Variants in KLHL20 observed in about 807,000 individuals in gnomAD.
KLHL20 encodes the protein kelch-like protein 20.
In KLHL20, 29 loss-of-function variants were observed where a neutral mutation model predicts 69.5. The ratio of observed to expected loss-of-function variants is 0.42; its 90% CI spans 0.31 to 0.57. The LOEUF (loss-of-function observed/expected upper bound fraction) is 0.57. Among genes scored for constraint, KLHL20 ranks in the 20% least tolerant of loss-of-function variants. The pLI is 0.18. For missense variants in KLHL20, 419 were observed against 776.0 expected (o/e 0.54, Z 5.47); for synonymous variants, 253 against 265.2 (o/e 0.95, Z 0.45).
At chr1:173,720,408 T>C (rs1352447737) in intron 2 of KLHL20, among the ~76,000 whole-genome samples, 1 of 150,868 alleles carries the variant, frequency 6.6e-6, no homozygotes, top group Non-Finnish European at 1.5e-5. Flanking sequence ...ATGTGGAGTA[T>C]AGGGTATTTT....
intron 1 of KLHL20, 26 bp downstream of exon 1, chr1:173,715,104 A>T (rs1671405658): frequency 6.6e-6 from 1 of 152,598 alleles, no homozygotes; most frequent in Non-Finnish European, 1.5e-5. Flanking sequence ...ACCTTAGAGC[A>T]GGGGACAGCG....
chr1:173,785,321 G>A lies in KLHL20; in HGVS notation c.*74G>A. On this transcript the variant is annotated 3_prime_UTR_variant, in exon 12 of 12. Coordinates refer to ENST00000209884, the MANE Select transcript of KLHL20 (RefSeq NM_014458.4). ...TTGACCTTGGAGCTTTGTACAGCTT[G>A]AGAAAACATTAGAACAAATTTTATT... 1 of 1,001,700 alleles carries A rather than the reference G, an allele frequency of 1.0e-6. No homozygotes were observed. The highest frequency in any genetic ancestry group is 1.9e-5 in the South Asian group (1 of 53,532). 62.1% of individuals were successfully genotyped at this position (1,001,700 alleles called of 1,614,324 possible).
At chr1:173,738,077 T>C (rs183882678) in intron 3 of KLHL20, among the ~76,000 whole-genome samples, 7 of 152,316 alleles carry the variant, frequency 4.6e-5, no homozygotes, top group Admixed American at 4.6e-4. Flanking sequence ...GAAACTTTAC[T>C]GAATTCATTT....
intron 11 of KLHL20, 41 bp from the exon 12 acceptor site, chr1:173,785,122 T>A: frequency 6.6e-7 from 1 of 1,515,812 alleles, no homozygotes; most frequent in Non-Finnish European, 9.1e-7. Flanking sequence ...TTGTAACATA[T>A]TTTCCAGTTA....
chr1:173,760,345 A>C (rs1673746366), intron 7 of KLHL20, among the ~76,000 whole-genome samples: 1 of 152,176 alleles, frequency 6.6e-6, no homozygotes, highest in African/African-American at 2.4e-5. Context: ...AGACCTAAAC[A>C]TCCAAATACA....
intron 3 of KLHL20, among the ~76,000 whole-genome samples, chr1:173,743,119 TAA>T (rs34507412): frequency 0.26 from 36,033 of 136,702 alleles, 4,673 homozygotes; most frequent in East Asian, 0.35. Flanking sequence ...AAGGAATGTG[TAA>T]AAAAAAAAAA....
chr1:173,736,720 C>T (rs1196670150), intron 3 of KLHL20, among the ~76,000 whole-genome samples: 4 of 152,068 alleles, frequency 2.6e-5, no homozygotes, highest in East Asian at 1.9e-4. Flanking sequence ...CTCAGCCTCC[C>T]GAGTAGCTGG....
chr1:173,757,648 G>C (rs1431716257), intron 7 of KLHL20, among the ~76,000 whole-genome samples: 2 of 143,896 alleles, frequency 1.4e-5, no homozygotes, highest in African/African-American at 2.6e-5. Context: ...CTAGGCAAAA[G>C]AGCGAGACTC....
intron 6 of KLHL20, among the ~76,000 whole-genome samples, chr1:173,756,646 C>A (rs777680078): frequency 2.0e-5 from 3 of 152,196 alleles, no homozygotes; most frequent in Non-Finnish European, 4.4e-5. Context: ...TGTGAAAAAA[C>A]ATTAAACAAT....
intron 2 of KLHL20, among the ~76,000 whole-genome samples, chr1:173,731,518 C>T (rs972882639): frequency 6.6e-6 from 1 of 152,110 alleles, no homozygotes; most frequent in African/African-American, 2.4e-5. Flanking sequence ...ACATATACAC[C>T]ATGGAATACT....
intron 6 of KLHL20, among the ~76,000 whole-genome samples, chr1:173,756,321 G>A (rs1027965203): frequency 1.3e-5 from 2 of 152,164 alleles, no homozygotes; most frequent in African/African-American, 4.8e-5. Context: ...GAGGCCAGGC[G>A]TTTGAGACCA....
intron 9 of KLHL20, among the ~76,000 whole-genome samples, chr1:173,775,353 G>C (rs1188244690): frequency 6.6e-6 from 1 of 152,150 alleles, no homozygotes; most frequent in African/African-American, 2.4e-5. Context: ...AGGAGAGTGA[G>C]GCTGAGAGTC....
chr1:173,728,296 A>T (rs1672078539), intron 2 of KLHL20, among the ~76,000 whole-genome samples: 1 of 152,204 alleles, frequency 6.6e-6, no homozygotes, highest in African/African-American at 2.4e-5. Context: ...TAATAATGGG[A>T]GACTTTAACA....
Position 173,786,591 on chromosome 1 carries a change from GAAAA to G in KLHL20, c.*1348_*1351del, listed in dbSNP as rs141503451. 3.3e-5 allele frequency: 5 copies of G among 151,918 alleles called. No individual in the cohort carries two copies. Among genetic ancestry groups the G allele is most frequent in the Admixed American group, 6.6e-5 (1 of 15,230 alleles). 9.4% of individuals were successfully genotyped at this position (151,918 alleles called of 1,614,324 possible). The stretch of plus-strand genomic sequence containing the variant: ...AAAGATCATTTGCACCTTTTTCAAG[GAAAA>G]AAAGTATTGAGTAAACAATTGTTTA... On this transcript the variant is annotated 3_prime_UTR_variant, in exon 12 of 12. Transcript: ENST00000209884.
intron 4 of KLHL20, 74 bp from the exon 5 acceptor site, chr1:173,753,139 C>T: frequency 8.1e-7 from 1 of 1,236,286 alleles, no homozygotes; most frequent in Non-Finnish European, 1.2e-6. Context: ...TGCCACTGTA[C>T]TCCAGCCTAG....
chr1:173,734,586 C>CCTG, intron 3 of KLHL20: 1 of 322,844 alleles, frequency 3.1e-6, no homozygotes, highest in Non-Finnish European at 5.8e-6. Context: ...GGATCTATGC[C>CCTG]TGATAGGATA....
At chr1:173,745,904 A>C (rs543617217) in intron 3 of KLHL20, among the ~76,000 whole-genome samples, 23 of 152,244 alleles carry the variant, frequency 1.5e-4, no homozygotes, top group African/African-American at 5.5e-4. Flanking sequence ...CGGAGGTTGC[A>C]GTGAGCTGAG....
intron 11 of KLHL20, among the ~76,000 whole-genome samples, chr1:173,784,928 A>G (rs1271987774): frequency 6.6e-6 from 1 of 152,226 alleles, no homozygotes; most frequent in Non-Finnish European, 1.5e-5. Context: ...TTCTTCACAC[A>G]GCCTCCTATG....
chr1:173,738,406 G>T (rs923484152), intron 3 of KLHL20, among the ~76,000 whole-genome samples: 6 of 152,128 alleles, frequency 3.9e-5, no homozygotes, highest in Non-Finnish European at 8.8e-5. Flanking sequence ...CTGAGCTCAG[G>T]CAATCCACCT....
Sources: gnomAD v4.1 joint callset for allele counts (sites outside exome capture counted in the v4.1 genomes callset) on GRCh38, gnomAD v4.1.1 for gene constraint, MANE v1.5 for transcripts, NCBI Gene and HGNC (gene_info 2026-07-23, HGNC 2026-07-21) for gene names.